Variants in NBEA observed in about 807,000 individuals in gnomAD.
NBEA encodes neurobeachin, also known as lysosomal-trafficking regulator 2.
NBEA carries 44 observed loss-of-function variants against 343.4 expected under a neutral mutation model. That is an observed-to-expected ratio of 0.13 (90% CI 0.10 to 0.16). The LOEUF is 0.16. NBEA is among the 10% of genes least tolerant of loss of function. The pLI is 1.00. For synonymous variants in NBEA, 1,175 were observed against 1,238.7 expected, an observed-to-expected ratio of 0.95 and a Z score of 1.08; for missense variants, 2,555 against 3,631.3, an observed-to-expected ratio of 0.70 and a Z score of 7.62.
At chr13:35,372,909 G>A (rs1006037089) in intron 38 of NBEA, among the ~76,000 whole-genome samples, 3 of 152,146 alleles carry the variant, frequency 2.0e-5, no homozygotes, top group East Asian at 1.9e-4. Flanking sequence ...TCAAAATGGT[G>A]CCTTGATGTA....
chr13:35,305,818 A>G (rs976715083), intron 35 of NBEA, among the ~76,000 whole-genome samples: 5 of 152,184 alleles, frequency 3.3e-5, no homozygotes, highest in Admixed American at 6.6e-5. Context: ...AGAGCACACC[A>G]TCGGTGGGTT....
At position 35,211,194 on chromosome 13, in the gene NBEA, T is replaced by A; in HGVS notation, c.5648+15T>A. 6.5e-7 allele frequency: 1 copy of A among 1,537,792 alleles called. No homozygotes were observed. The highest frequency in any genetic ancestry group is 2.4e-5 in the East Asian group (1 of 40,924). On this transcript the variant is annotated intron_variant, in intron 33 of 58. Coordinates refer to ENST00000379939, the MANE Select transcript of NBEA (RefSeq NM_001385012.1). ...GAAAATATGAGGTATGCATGACTACTTTTTATTCATTTTAACTCTTTTTAA... is the reference window on the plus strand; with the variant it reads ...GAAAATATGAGGTATGCATGACTACATTTTATTCATTTTAACTCTTTTTAA...
chr13:35,194,708 G>A (rs2152740951), intron 30 of NBEA, among the ~76,000 whole-genome samples: 1 of 152,062 alleles, frequency 6.6e-6, no homozygotes, highest in East Asian at 1.9e-4. Flanking sequence ...ACTTTTCAAG[G>A]TTATCGTTTA....
intron 38 of NBEA, among the ~76,000 whole-genome samples, chr13:35,392,458 T>G (rs1165725872): frequency 6.7e-6 from 1 of 148,548 alleles, no homozygotes; most frequent in Non-Finnish European, 1.5e-5. Context: ...TGAGCCAGTA[T>G]GTGTGTGTGT....
chr13:35,330,858 G>C (rs973234242), intron 36 of NBEA, among the ~76,000 whole-genome samples: 1 of 151,984 alleles, frequency 6.6e-6, no homozygotes, highest in African/African-American at 2.4e-5. Context: ...TACACAAATA[G>C]AAAGTCTCAA....
chr13:35,455,812 G>C (rs1594697278), intron 40 of NBEA, among the ~76,000 whole-genome samples: 1 of 152,022 alleles, frequency 6.6e-6, no homozygotes, highest in Non-Finnish European at 1.5e-5. Context: ...TAAGTAACTT[G>C]CCTAAGGTTA....
intron 40 of NBEA, among the ~76,000 whole-genome samples, chr13:35,471,982 C>T (rs1004284593): frequency 2.0e-5 from 3 of 152,130 alleles, no homozygotes; most frequent in African/African-American, 7.2e-5. Flanking sequence ...GGGAGCGCCG[C>T]TGCTGAGTGG....
At chr13:35,431,235 T>TA (rs758799234) in intron 38 of NBEA, among the ~76,000 whole-genome samples, 1 of 152,114 alleles carries the variant, frequency 6.6e-6, no homozygotes, top group Admixed American at 6.6e-5. Context: ...TAATCAGACT[T>TA]AAAGTGTTCT....
At chr13:35,391,351 G>A (rs1303719985) in intron 38 of NBEA, among the ~76,000 whole-genome samples, 2 of 151,722 alleles carry the variant, frequency 1.3e-5, no homozygotes, top group African/African-American at 4.8e-5. Context: ...CACTGTAAGA[G>A]TATACCTAGT....
chr13:35,100,935 A>G (rs951802503), intron 11 of NBEA, among the ~76,000 whole-genome samples: 1 of 151,904 alleles, frequency 6.6e-6, no homozygotes, highest in Non-Finnish European at 1.5e-5. Context: ...TAAATATTTC[A>G]CATAAGTGAG....
chr13:35,427,731 A>G (rs1462824279), intron 38 of NBEA, among the ~76,000 whole-genome samples: 1 of 152,184 alleles, frequency 6.6e-6, no homozygotes, highest in Non-Finnish European at 1.5e-5. Flanking sequence ...TGCCTGCAGA[A>G]GTGGAGCCTA....
intron 36 of NBEA, among the ~76,000 whole-genome samples, chr13:35,345,011 G>A (rs1390634090): frequency 6.6e-6 from 1 of 152,058 alleles, no homozygotes; most frequent in East Asian, 1.9e-4. Context: ...ATTCAACTGT[G>A]TATAAAAAGA....
chr13:35,049,378 A>G (rs2062983365), intron 5 of NBEA, among the ~76,000 whole-genome samples: 3 of 151,866 alleles, frequency 2.0e-5, no homozygotes, highest in Non-Finnish European at 2.9e-5. Context: ...TTTACCACCT[A>G]CTATTCACCT....
At chr13:34,959,760 A>G (rs967248828) in intron 1 of NBEA, among the ~76,000 whole-genome samples, 2 of 152,090 alleles carry the variant, frequency 1.3e-5, no homozygotes, top group African/African-American at 4.8e-5. Flanking sequence ...ATTATGATGG[A>G]GCTGAAAAAT....
chr13:35,173,653 T>G, intron 27 of NBEA, 59 bp downstream of exon 27: 1 of 1,529,754 alleles, frequency 6.5e-7, no homozygotes, highest in Non-Finnish European at 8.9e-7. Flanking sequence ...CTTTTTTAAG[T>G]TGATGAGAAC....
At chr13:34,998,190 A>G (rs187502616) in intron 1 of NBEA, among the ~76,000 whole-genome samples, 1 of 152,254 alleles carries the variant, frequency 6.6e-6, no homozygotes, top group East Asian at 1.9e-4. Context: ...GCAAGTTTTT[A>G]GTGATTTTCA....
intron 38 of NBEA, among the ~76,000 whole-genome samples, chr13:35,374,782 T>C (rs974859719): frequency 6.6e-6 from 1 of 152,150 alleles, no homozygotes; most frequent in Admixed American, 6.5e-5. Flanking sequence ...ACTAATAAAA[T>C]TTACACAAGT....
intron 18 of NBEA, among the ~76,000 whole-genome samples, chr13:35,144,546 C>T (rs773645890): frequency 2.2e-4 from 34 of 152,172 alleles, no homozygotes; most frequent in Non-Finnish European, 4.4e-4. Context: ...TTTCCTTTTG[C>T]TAGTCATGCG....
intron 38 of NBEA, among the ~76,000 whole-genome samples, chr13:35,370,011 A>G (rs2041337619): frequency 6.6e-6 from 1 of 151,938 alleles, no homozygotes; most frequent in Non-Finnish European, 1.5e-5. Context: ...TAGCTATTGG[A>G]TGAAATATTC....
Sources: allele counts gnomAD v4.1 joint callset (sites outside exome capture counted in the v4.1 genomes callset), GRCh38; gene constraint gnomAD v4.1.1; transcripts MANE v1.5; gene names NCBI Gene and HGNC (gene_info 2026-07-23, HGNC 2026-07-21).